NCOA2: variants seen among roughly 807,000 people sequenced by gnomAD.
The protein encoded by NCOA2 is class E basic helix-loop-helix protein 75.
In NCOA2, 21 loss-of-function variants were observed where a neutral mutation model predicts 145.1. That is an observed-to-expected ratio of 0.14 (90% CI 0.10 to 0.21). The LOEUF (loss-of-function observed/expected upper bound fraction) is 0.21. Ranked by LOEUF, NCOA2 falls within the 10% of genes least tolerant of loss-of-function variation. The pLI is 1.00. For missense variants in NCOA2, 1,472 were observed against 1,837.6 expected (o/e 0.80, Z 3.64); for synonymous variants, 619 against 637.5 (o/e 0.97, Z 0.44).
chr8:70,391,201 T>C (rs1156492498), intron 1 of NCOA2, among the ~76,000 whole-genome samples: 1 of 152,226 alleles, frequency 6.6e-6, no homozygotes, highest in Non-Finnish European at 1.5e-5. Context: ...CTGAAGTTAC[T>C]ATTGCTCCGA....
At chr8:70,358,590 CTATA>C (rs914733095) in intron 1 of NCOA2, among the ~76,000 whole-genome samples, 4 of 152,102 alleles carry the variant, frequency 2.6e-5, no homozygotes, top group African/African-American at 4.8e-5. Context: ...CCACCTCATT[CTATA>C]TATAAAAAAT....
In NCOA2 at chr8:70,340,830, C is replaced by G. The variant is rs1004417148; in HGVS notation, c.-76-44030G>C. On this transcript the variant is annotated intron_variant, in intron 1 of 22. Transcript: ENST00000452400. ...TATCCTCAGCAAACTAACACAGGAA[C>G]AGAAAAACAAACACCGCATGTTTTT... 2.6e-5 allele frequency among the ~76,000 whole-genome samples: 4 copies of G among 152,048 alleles called. No homozygotes were observed. In the South Asian group the frequency reaches 6.2e-4, roughly 24 times the overall value.
rs760108155 is a variant in NCOA2 at position 70,157,153 on chromosome 8, G to A, written c.1212C>T (p.Ala404=). The change falls in exon 11 of 23, where the codon GCC becomes GCT. Residue 404 remains alanine, a synonymous_variant. Coordinates refer to ENST00000452400, the MANE Select transcript of NCOA2 (RefSeq NM_006540.4). ...PLNPISSNSP[A]HQALCSGNPG... ...GGTTCCCACTGCACAGGGCCTGATG[G>A]GCAGGGCTGTTAGAGCTAATTGGAT... 6.2e-7 allele frequency: 1 copy of A among 1,611,510 alleles called. No homozygotes were observed. The highest frequency in any genetic ancestry group is 1.3e-5 in the African/African-American group (1 of 74,992).
At chr8:70,449,340 A>T in the NCOA2 span, among the ~76,000 whole-genome samples, 1 of 152,236 alleles carries the variant, frequency 6.6e-6, no homozygotes, top group Admixed American at 6.5e-5. Flanking sequence ...ATGAGCATTT[A>T]TATCAGTTAC....
the NCOA2 span, among the ~76,000 whole-genome samples, chr8:70,448,530 T>C: frequency 6.6e-6 from 1 of 152,168 alleles, no homozygotes; most frequent in African/African-American, 2.4e-5. Flanking sequence ...AGTGTGACAA[T>C]TGGCAAAGGT....
intron 4 of NCOA2, among the ~76,000 whole-genome samples, chr8:70,183,561 A>G (rs2133049924): frequency 6.6e-6 from 1 of 152,342 alleles, no homozygotes; most frequent in South Asian, 2.1e-4. Flanking sequence ...CTTATACACC[A>G]TAGCAATATT....
intron 11 of NCOA2, among the ~76,000 whole-genome samples, chr8:70,152,298 A>G (rs1811834422): frequency 6.6e-6 from 1 of 152,216 alleles, no homozygotes; most frequent in Non-Finnish European, 1.5e-5. Context: ...TGTTCTCTGC[A>G]GGAAATATAA....
chr8:70,255,471 C>A (rs563885282), intron 2 of NCOA2, among the ~76,000 whole-genome samples: 1 of 152,268 alleles, frequency 6.6e-6, no homozygotes, highest in Admixed American at 6.5e-5. Context: ...ATAACCCAAG[C>A]TAACCGATAA....
At chr8:70,233,780 TC>T (rs1274420019) in intron 2 of NCOA2, among the ~76,000 whole-genome samples, 1 of 152,214 alleles carries the variant, frequency 6.6e-6, no homozygotes, top group Non-Finnish European at 1.5e-5. Flanking sequence ...GGGATCTTCT[TC>T]CTTTTTGAAG....
At chr8:70,337,463 G>T (rs897953345) in intron 1 of NCOA2, among the ~76,000 whole-genome samples, 4 of 152,078 alleles carry the variant, frequency 2.6e-5, no homozygotes, top group Non-Finnish European at 4.4e-5. Context: ...GCTGAGACTC[G>T]AATAGTGATC....
chr8:70,164,741 G>A (rs1813424526), intron 7 of NCOA2, among the ~76,000 whole-genome samples: 1 of 151,908 alleles, frequency 6.6e-6, no homozygotes, highest in South Asian at 2.1e-4. Context: ...GAAATATCCA[G>A]TAATAGCTGG....
chr8:70,208,864 A>C (rs1818736149), intron 4 of NCOA2, among the ~76,000 whole-genome samples: 1 of 152,262 alleles, frequency 6.6e-6, no homozygotes, highest in Non-Finnish European at 1.5e-5. Flanking sequence ...ATGAAGATGT[A>C]CAAGGCCAAA....
rs1162889911 is a variant in NCOA2, at chr8:70,148,401, C to CTCG, written c.2474_2476dup (p.Thr825dup). ...AACTGATCCAGCAGGGGCGCCTGGCCTCGTGTCTGGGAAAAGCTGTGGTAA... is the reference window on the plus strand; with the variant it reads ...AACTGATCCAGCAGGGGCGCCTGGCCTCGTCGTGTCTGGGAAAAGCTGTGGTAA... On this transcript the variant is annotated inframe_insertion, in exon 12 of 23. Transcript: ENST00000452400. The CTCG allele has an allele frequency of 6.2e-7, 1 of 1,613,814 alleles. No homozygotes were observed. Among genetic ancestry groups the CTCG allele is most frequent in the Non-Finnish European group, 8.5e-7 (1 of 1,179,888 alleles).
intron 2 of NCOA2, among the ~76,000 whole-genome samples, chr8:70,247,402 C>T (rs546074995): frequency 1.7e-4 from 26 of 151,910 alleles, no homozygotes; most frequent in African/African-American, 6.1e-4. Flanking sequence ...GCTAAAGAAC[C>T]TTTAAAAGTT....
the NCOA2 span, among the ~76,000 whole-genome samples, chr8:70,427,400 A>C: frequency 6.6e-6 from 1 of 152,256 alleles, no homozygotes; most frequent in Non-Finnish European, 1.5e-5. Context: ...GTTCACACGA[A>C]TGATCTACTA....
chr8:70,144,821 A>C lies in NCOA2; in HGVS notation c.2633T>G (p.Leu878Arg). 1 of 1,614,022 alleles carries C rather than the reference A, an allele frequency of 6.2e-7. No homozygotes were observed. Among genetic ancestry groups the C allele is most frequent in the Non-Finnish European group, 8.5e-7 (1 of 1,179,868 alleles). ...STFNNPRPGQLGRLLPNQNLP... is the reference protein window; with the variant it reads ...STFNNPRPGQRGRLLPNQNLP... ...ATTCTGGTTTGGCAATAACCTGCCC[A>C]GTTGCCCTGGTCGTGGGTTATTAAA... The change falls in exon 13 of 23, where the codon CTG (leucine) becomes CGG (arginine). Residue 878 changes from leucine (L) to arginine (R), a missense_variant. By Grantham distance (102) the Leu-to-Arg change is moderately radical. Around this residue, in one of 4 missense-constraint regions of NCOA2, gnomAD observed 953 missense variants for 1,062.1 expected, o/e 0.90. Coordinates refer to ENST00000452400, the MANE Select transcript of NCOA2 (RefSeq NM_006540.4).
At position 70,159,581 on chromosome 8, in the gene NCOA2, G is replaced by C; in HGVS notation, c.1048C>G (p.Gln350Glu). ...SLSDGTLVAA[Q>E]TKSKLIRSQT... ...GAACGGATGAGTTTGCTCTTCGTTT[G>C]TGCAGCAACAAGAGTGCCATCAGAC... Residue 350 changes from glutamine to glutamate, a missense_variant, in exon 10 of 23, where the codon CAA becomes GAA. Physicochemically the swap from Gln to Glu is conservative, Grantham distance 29. Around this residue, in one of 4 missense-constraint regions of NCOA2, gnomAD observed 284 missense variants for 467.8 expected, o/e 0.61. Transcript: ENST00000452400. The C allele has an allele frequency of 6.2e-7, 1 of 1,612,884 alleles. No individual in the cohort carries two copies. Among genetic ancestry groups the C allele is most frequent in the Non-Finnish European group, 8.5e-7 (1 of 1,179,014 alleles).
At chr8:70,148,039 G>C (rs1811302003) in intron 12 of NCOA2, among the ~76,000 whole-genome samples, 1 of 152,138 alleles carries the variant, frequency 6.6e-6, no homozygotes, top group East Asian at 1.9e-4. Flanking sequence ...ATCAATGTAG[G>C]TCAGTCTCCC....
chr8:70,147,132 G>A (rs934896795), intron 12 of NCOA2, among the ~76,000 whole-genome samples: 15 of 149,608 alleles, frequency 1.0e-4, no homozygotes, highest in Admixed American at 7.2e-4. Context: ...GCGCGCGTGT[G>A]TGTGTGTGTG....
Sources: allele counts gnomAD v4.1 joint callset (sites outside exome capture counted in the v4.1 genomes callset), GRCh38; gene constraint gnomAD v4.1.1; regional missense constraint gnomAD v4.1.1; transcripts MANE v1.5; gene names NCBI Gene and HGNC (gene_info 2026-07-23, HGNC 2026-07-21).